Variants in DENND5B observed in about 807,000 individuals in gnomAD.
DENND5B encodes the protein DENN domain containing 5B.
A neutral mutation model predicts 140.6 loss-of-function variants in DENND5B; 34 were observed. That is an observed-to-expected ratio of 0.24 (90% CI 0.18 to 0.32). The LOEUF is 0.32. DENND5B is among the 10% of genes least tolerant of loss of function. DENND5B has a pLI of 1.00. For synonymous variants in DENND5B, 551 were observed against 562.1 expected (o/e 0.98, Z 0.28); for missense variants, 1,142 against 1,560.2 (o/e 0.73, Z 4.52).
chr12:31,469,460 T>C (rs897906286), intron 3 of DENND5B, among the ~76,000 whole-genome samples: 7 of 152,156 alleles, frequency 4.6e-5, no homozygotes, highest in Non-Finnish European at 7.4e-5. Context: ...CCTACACCTT[T>C]TGCACCTCTC....
intron 7 of DENND5B, among the ~76,000 whole-genome samples, chr12:31,439,924 C>T (rs1257597460): frequency 2.7e-5 from 2 of 73,998 alleles, no homozygotes. Flanking sequence ...AGGGAGACTC[C>T]GTCTCAAAAA....
At chr12:31,578,602 TATC>T (rs1950104852) in intron 1 of DENND5B, among the ~76,000 whole-genome samples, 1 of 152,178 alleles carries the variant, frequency 6.6e-6, no homozygotes, top group Non-Finnish European at 1.5e-5. Context: ...ATAAAAATAA[TATC>T]ATTAGAGGGA....
chr12:31,502,608 CTTTCT>C (rs1267782779), intron 1 of DENND5B, among the ~76,000 whole-genome samples: 1 of 152,152 alleles, frequency 6.6e-6, no homozygotes, highest in African/African-American at 2.4e-5. Context: ...ATGTCAGAGT[CTTTCT>C]TTTAAATAGT....
chr12:31,398,479 GT>G (rs1389570520), intron 16 of DENND5B, 117 bp from the exon 17 acceptor site: 1 of 977,520 alleles, frequency 1.0e-6, no homozygotes, highest in Non-Finnish European at 1.5e-6. Context: ...TAATTTTTGT[GT>G]TTTTTATAGA....
At position 31,382,843 on chromosome 12, in the gene DENND5B, C is replaced by A. The variant is rs1940690871; in HGVS notation, c.*4760G>T. ...TTCTCCTTAGATTCTTTTGATCACA[C>A]TACATCAGCAACCTCTTCAAAAAGC... On this transcript the variant is annotated 3_prime_UTR_variant, in exon 21 of 21. Transcript: ENST00000389082. 6.6e-6 allele frequency: 1 copy of A among 151,976 alleles called. No individual in the cohort carries two copies. The allele number at this position is 151,976 out of a possible 1,614,324, so 9.4% of individuals were successfully genotyped here. A position where few individuals can be genotyped will look rare whatever the true frequency, so the allele number is the denominator to read the frequency against.
Position 31,570,160 on chromosome 12 carries a change from C to A in DENND5B, c.127+20546G>T, listed in dbSNP as rs141988701. ...CAGTGAGCCAAGATCGCCAACACTG[C>A]ACTCCAGCCTGGGTGACACAGCAAT... is the stretch of plus-strand genomic sequence containing the variant. On this transcript the variant is annotated intron_variant, in intron 1 of 20. Coordinates refer to ENST00000389082, the MANE Select transcript of DENND5B (RefSeq NM_144973.4). 6.0e-4 allele frequency among the ~76,000 whole-genome samples: 91 copies of A among 150,792 alleles called. 1 individual carries two copies. In the East Asian group the frequency reaches 0.014, roughly 23 times the overall value.
intron 2 of DENND5B, among the ~76,000 whole-genome samples, chr12:31,484,246 C>A (rs1946200062): frequency 6.6e-6 from 1 of 152,196 alleles, no homozygotes; most frequent in Non-Finnish European, 1.5e-5. Flanking sequence ...GGACTGCTAA[C>A]TAACGCACAG....
chr12:31,434,690 A>AT (rs1310393297), intron 7 of DENND5B, among the ~76,000 whole-genome samples: 2 of 152,198 alleles, frequency 1.3e-5, no homozygotes, highest in African/African-American at 2.4e-5. Flanking sequence ...AGAATTTGGA[A>AT]CCTGGCTCAG....
chr12:31,566,338 C>CTGTGTGTGTGTGTGTGTG lies in DENND5B; in HGVS notation c.127+24350_127+24367dup, dbSNP rs6144677. Among the ~76,000 whole-genome samples the CTGTGTGTGTGTGTGTGTG allele has an allele frequency of 2.7e-5, 4 of 148,600 alleles. No individual in the cohort carries two copies. In the South Asian group the frequency reaches 8.6e-4, roughly 32 times the overall value. ...ATAGTGAGAACCTCTCTCTTAAAAA[C>CTGTGTGTGTGTGTGTGTG]TGTGTGTGTGTGTGTGTGTGTGTGT... On this transcript the variant is annotated intron_variant, in intron 1 of 20. Coordinates refer to ENST00000389082, the MANE Select transcript of DENND5B (RefSeq NM_144973.4).
intron 1 of DENND5B, among the ~76,000 whole-genome samples, chr12:31,527,478 G>A (rs960033636): frequency 3.3e-5 from 5 of 152,102 alleles, no homozygotes; most frequent in African/African-American, 9.7e-5. Flanking sequence ...GGAATGCTGC[G>A]CTTTGAAAGA....
At chr12:31,423,023 C>T (rs1227445211) in intron 11 of DENND5B, among the ~76,000 whole-genome samples, 2 of 151,728 alleles carry the variant, frequency 1.3e-5, no homozygotes, top group Non-Finnish European at 2.9e-5. Context: ...TCACTGCAAC[C>T]TTTGCCTCCC....
chr12:31,409,472 G>GTA, intron 13 of DENND5B, 88 bp from the exon 14 acceptor site: 1 of 424,258 alleles, frequency 2.4e-6, no homozygotes, highest in Non-Finnish European at 3.1e-6. Context: ...TTTTCATTAT[G>GTA]TCTTTTTTTT....
At chr12:31,407,520 T>G (rs1942195201) in intron 14 of DENND5B, among the ~76,000 whole-genome samples, 2 of 152,228 alleles carry the variant, frequency 1.3e-5, no homozygotes, top group Non-Finnish European at 2.9e-5. Flanking sequence ...CAGGATGGCC[T>G]AATCCCCATT....
intron 1 of DENND5B, among the ~76,000 whole-genome samples, chr12:31,580,461 C>T (rs1950178351): frequency 6.6e-6 from 1 of 151,936 alleles, no homozygotes; most frequent in African/African-American, 2.4e-5. Flanking sequence ...TTTAAGAAAA[C>T]TCTAGCTTCC....
intron 4 of DENND5B, among the ~76,000 whole-genome samples, chr12:31,455,042 G>A (rs895358131): frequency 1.2e-4 from 18 of 151,490 alleles, no homozygotes; most frequent in Non-Finnish European, 2.5e-4. Flanking sequence ...GGATGGTCTC[G>A]ATCTCCTGAC....
intron 1 of DENND5B, among the ~76,000 whole-genome samples, chr12:31,499,827 T>C (rs1001512707): frequency 6.6e-6 from 1 of 152,260 alleles, no homozygotes; most frequent in Non-Finnish European, 1.5e-5. Context: ...CAATGGAATG[T>C]AGCTGATAAG....
intron 15 of DENND5B, among the ~76,000 whole-genome samples, 192 bp from the exon 16 acceptor site, chr12:31,399,964 G>A (rs895080490): frequency 6.6e-6 from 1 of 152,144 alleles, no homozygotes; most frequent in Non-Finnish European, 1.5e-5. Context: ...AATGAGATAG[G>A]AGACATATGG....
intron 3 of DENND5B, among the ~76,000 whole-genome samples, chr12:31,470,961 A>AC (rs1945530160): frequency 6.6e-6 from 1 of 152,256 alleles, no homozygotes; most frequent in Non-Finnish European, 1.5e-5. Context: ...AATGGAATTT[A>AC]GAGATGAATC....
At chr12:31,590,490 A>G (rs2139562228) in intron 1 of DENND5B, 1 of 506,878 alleles carries the variant, frequency 2.0e-6, no homozygotes, top group Non-Finnish European at 3.2e-6. Flanking sequence ...CAGCGCCTGG[A>G]GGCGAAAGCC....
Sources: gnomAD v4.1 joint callset for allele counts (sites outside exome capture counted in the v4.1 genomes callset) on GRCh38, gnomAD v4.1.1 for gene constraint, MANE v1.5 for transcripts, NCBI Gene and HGNC (gene_info 2026-07-23, HGNC 2026-07-21) for gene names.